ASAP1: variants seen among roughly 807,000 people sequenced by gnomAD.
ASAP1 encodes ArfGAP with SH3 domain, ankyrin repeat and PH domain 1, also known as arf-GAP with SH3 domain, ANK repeat and PH domain-containing protein 1.
A neutral mutation model predicts 145.2 loss-of-function variants in ASAP1; 43 were observed. That is an observed-to-expected ratio of 0.30 (90% CI 0.23 to 0.38). The LOEUF is 0.38. Among genes scored for constraint, ASAP1 ranks in the 10% least tolerant of loss-of-function variants. ASAP1 has a pLI of 1.00. For synonymous variants in ASAP1, 546 were observed against 515.5 expected, an observed-to-expected ratio of 1.06 and a Z score of -0.80; for missense variants, 1,018 against 1,355.3, an observed-to-expected ratio of 0.75 and a Z score of 3.91.
chr8:130,188,254 A>G (rs1814878594), intron 5 of ASAP1, 71 bp from the exon 6 acceptor site: 2 of 1,205,490 alleles, frequency 1.7e-6, no homozygotes, highest in Non-Finnish European at 2.5e-6. Context: ...ACCAGCTACT[A>G]TTGACTGAGC....
intron 15 of ASAP1, among the ~76,000 whole-genome samples, chr8:130,133,585 A>T (rs1053695876): frequency 2.0e-5 from 3 of 151,600 alleles, no homozygotes; most frequent in African/African-American, 7.3e-5. Context: ...GAACCCGGGA[A>T]GCGGAGCTTG....
intron 25 of ASAP1, among the ~76,000 whole-genome samples, chr8:130,080,621 C>G (rs997629453): frequency 4.6e-5 from 7 of 151,658 alleles, no homozygotes; most frequent in Admixed American, 1.3e-4. Context: ...ACTACAGGGG[C>G]ATTCATTCAA....
intron 3 of ASAP1, among the ~76,000 whole-genome samples, chr8:130,255,890 A>G (rs891133369): frequency 3.9e-5 from 6 of 152,176 alleles, no homozygotes; most frequent in Admixed American, 6.6e-5. Flanking sequence ...ACTCAAAGTG[A>G]AGGTATCTTA....
In ASAP1 at chr8:130,091,985, C is replaced by A. The variant is rs201422861; in HGVS notation, c.2560G>T (p.Ala854Ser). ...PLPHGPPNKG[A>S]VPWGNDGGPS... ...TAGGATAACTTACCCCAAGGAACTG[C>A]GCCTTTGTTTGGGGGCCCATGAGGT... The change falls in exon 25 of 30, where the codon GCA (alanine) becomes TCA (serine). Residue 854 changes from alanine (A) to serine (S), a missense_variant. Physicochemically the swap from Ala to Ser is moderately conservative, Grantham distance 99 (BLOSUM62 1). Around this residue, in one of 9 missense-constraint regions of ASAP1, gnomAD observed 353 missense variants for 375.4 expected, o/e 0.94. Coordinates refer to ENST00000518721, the MANE Select transcript of ASAP1 (RefSeq NM_018482.4). The A allele has an allele frequency of 1.3e-6, 2 of 1,557,262 alleles. No individual in the cohort carries two copies. Among genetic ancestry groups the A allele is most frequent in the Non-Finnish European group, 1.7e-6 (2 of 1,158,182 alleles).
At chr8:130,162,550 G>A (rs1286749290) in intron 11 of ASAP1, among the ~76,000 whole-genome samples, 1 of 152,168 alleles carries the variant, frequency 6.6e-6, no homozygotes, top group Non-Finnish European at 1.5e-5. Flanking sequence ...CAGGCGCAGT[G>A]GCTCACGCCT....
chr8:130,328,072 T>C (rs1390935018), intron 3 of ASAP1, among the ~76,000 whole-genome samples: 2 of 152,192 alleles, frequency 1.3e-5, no homozygotes, highest in East Asian at 3.8e-4. Flanking sequence ...CTAGCACCAC[T>C]ACTGCAGCTG....
intron 1 of ASAP1, among the ~76,000 whole-genome samples, chr8:130,403,547 TC>T (rs1828891876): frequency 7.4e-6 from 1 of 135,654 alleles, no homozygotes; most frequent in Non-Finnish European, 1.6e-5. Context: ...ATTTTCTTTT[TC>T]TTTTTCTTTT....
intron 11 of ASAP1, among the ~76,000 whole-genome samples, chr8:130,163,623 A>G (rs2097674094): frequency 6.6e-6 from 1 of 152,228 alleles, no homozygotes; most frequent in Admixed American, 6.5e-5. Flanking sequence ...CAGCTTGCTA[A>G]GCAGGGCACT....
At chr8:130,106,346 G>A (rs1276724724) in intron 24 of ASAP1, among the ~76,000 whole-genome samples, 2 of 152,172 alleles carry the variant, frequency 1.3e-5, no homozygotes, top group Non-Finnish European at 2.9e-5. Context: ...ACCACTGATA[G>A]GAAAATATTT....
chr8:130,106,876 C>T (rs1274580601), intron 24 of ASAP1, among the ~76,000 whole-genome samples: 1 of 152,232 alleles, frequency 6.6e-6, no homozygotes, highest in Non-Finnish European at 1.5e-5. Flanking sequence ...ATACTGTGTC[C>T]TCTTTCCCTG....
intron 4 of ASAP1, among the ~76,000 whole-genome samples, chr8:130,228,812 TA>T (rs1817739851): frequency 6.6e-6 from 1 of 152,118 alleles, no homozygotes; most frequent in Non-Finnish European, 1.5e-5. Flanking sequence ...CAGTGGCTAT[TA>T]TTTTTTTTTC....
chr8:130,284,266 T>C (rs1821454274), intron 3 of ASAP1, among the ~76,000 whole-genome samples: 1 of 151,992 alleles, frequency 6.6e-6, no homozygotes, highest in Non-Finnish European at 1.5e-5. Context: ...TCTCAAAACA[T>C]TGGAGCAATA....
intron 3 of ASAP1, among the ~76,000 whole-genome samples, chr8:130,262,438 G>A (rs1819985443): frequency 2.5e-4 from 35 of 138,212 alleles, no homozygotes; most frequent in South Asian, 4.8e-4. Context: ...GAGAGAGAGA[G>A]AGAGAGAGAG....
chr8:130,240,116 A>C (rs73427335), intron 3 of ASAP1, among the ~76,000 whole-genome samples: 1,762 of 152,250 alleles, frequency 0.012, 27 homozygotes, highest in African/African-American at 0.038. Context: ...TTTCAGCCAT[A>C]ACATTTTTTG....
At chr8:130,226,394 C>T (rs1300361220) in intron 4 of ASAP1, among the ~76,000 whole-genome samples, 1 of 152,180 alleles carries the variant, frequency 6.6e-6, no homozygotes, top group Middle Eastern at 3.2e-3. Flanking sequence ...TATTTCACTT[C>T]CCTGAGCCTC....
intron 18 of ASAP1, among the ~76,000 whole-genome samples, chr8:130,121,985 C>G (rs565322580): frequency 1.9e-4 from 29 of 152,220 alleles, no homozygotes; most frequent in African/African-American, 6.7e-4. Flanking sequence ...TCTCCCGCCA[C>G]ATCTTCCTTC....
At chr8:130,115,589 G>A (rs955485110) in intron 23 of ASAP1, 39 bp downstream of exon 23, 3 of 1,477,524 alleles carry the variant, frequency 2.0e-6, no homozygotes, top group African/African-American at 1.4e-5. Context: ...GAAAAGTTGG[G>A]GTAGTTGTTG....
At chr8:130,091,227 G>A (rs2097504799) in intron 25 of ASAP1, among the ~76,000 whole-genome samples, 1 of 152,212 alleles carries the variant, frequency 6.6e-6, no homozygotes, top group African/African-American at 2.4e-5. Context: ...ACAAGGTTCT[G>A]GCTCTCATGG....
intron 3 of ASAP1, among the ~76,000 whole-genome samples, chr8:130,284,289 T>A (rs1821455582): frequency 6.6e-6 from 1 of 151,928 alleles, no homozygotes; most frequent in African/African-American, 2.4e-5. Context: ...AGTAGGAAAA[T>A]GAAAACTGGA....
Sources: allele counts gnomAD v4.1 joint callset (sites outside exome capture counted in the v4.1 genomes callset), GRCh38; gene constraint gnomAD v4.1.1; regional missense constraint gnomAD v4.1.1; transcripts MANE v1.5; gene names NCBI Gene and HGNC (gene_info 2026-07-23, HGNC 2026-07-21).